PRDM11: variants seen among roughly 807,000 people sequenced by gnomAD.
The protein encoded by PRDM11 is PR/SET domain 11.
Under a neutral mutation model 97.8 loss-of-function variants are expected in PRDM11, and 20 were observed. The observed-to-expected ratio is 0.20, with a 90% CI of 0.14 to 0.30. PRDM11 has a LOEUF of 0.30. PRDM11 is among the 10% of genes least tolerant of loss of function. PRDM11 has a pLI of 1.00. For synonymous variants in PRDM11, 599 were observed against 637.7 expected (o/e 0.94, Z 0.91); for missense variants, 1,139 against 1,555.2 (o/e 0.73, Z 4.50).
chr11:45,143,525 G>A (rs866817667), upstream of PRDM11, among the ~76,000 whole-genome samples: 3 of 152,058 alleles, frequency 2.0e-5, no homozygotes, highest in Non-Finnish European at 4.4e-5. Flanking sequence ...TGTGAGATAC[G>A]CTCAAGGGAG....
intron 1 of PRDM11, among the ~76,000 whole-genome samples, chr11:45,170,533 G>T (rs1200707240): frequency 1.3e-5 from 2 of 152,194 alleles, no homozygotes; most frequent in Admixed American, 1.3e-4. Context: ...GCTCATGTTG[G>T]AGGCAGAGCA....
At chr11:45,176,486 AT>A (rs1852331096) in intron 1 of PRDM11, among the ~76,000 whole-genome samples, 1 of 152,224 alleles carries the variant, frequency 6.6e-6, no homozygotes, top group Admixed American at 6.5e-5. Flanking sequence ...GTCAGGCATT[AT>A]GCTGTGTTAA....
At chr11:45,147,317 A>G (rs1218992890) in intron 1 of PRDM11, 3 of 149,720 alleles carry the variant, frequency 2.0e-5, no homozygotes, top group East Asian at 2.0e-4. Context: ...CGCCGACGCC[A>G]GAGGGCTCGC....
intron 1 of PRDM11, among the ~76,000 whole-genome samples, chr11:45,097,188 G>A (rs1047624856): frequency 6.6e-6 from 1 of 152,180 alleles, no homozygotes; most frequent in Non-Finnish European, 1.5e-5. Flanking sequence ...TGCATCAATA[G>A]CTCACAAGTT....
intron 4 of PRDM11, among the ~76,000 whole-genome samples, chr11:45,204,347 G>A (rs2135795808): frequency 6.6e-6 from 1 of 152,324 alleles, no homozygotes; most frequent in East Asian, 1.9e-4. Flanking sequence ...AGCCTTTGTA[G>A]TTGCAGTGCG....
intron 1 of PRDM11, among the ~76,000 whole-genome samples, chr11:45,106,782 G>A (rs1426010850): frequency 6.6e-6 from 1 of 152,210 alleles, no homozygotes; most frequent in African/African-American, 2.4e-5. Context: ...TCGCAGGAGA[G>A]CAAGGCAGAA....
intron 5 of PRDM11, among the ~76,000 whole-genome samples, chr11:45,206,516 C>G (rs1853516939): frequency 6.6e-6 from 1 of 152,212 alleles, no homozygotes; most frequent in South Asian, 2.1e-4. Context: ...ATCAGGCTTT[C>G]TGTGCTATTG....
At chr11:45,184,829 G>A (rs1288476051) in intron 4 of PRDM11, among the ~76,000 whole-genome samples, 2 of 152,152 alleles carry the variant, frequency 1.3e-5, no homozygotes, top group African/African-American at 4.8e-5. Flanking sequence ...CCTGTGCATG[G>A]GTGGTCAGTG....
chr11:45,134,338 T>C (rs1471512039), intron 1 of PRDM11, among the ~76,000 whole-genome samples: 1 of 151,940 alleles, frequency 6.6e-6, no homozygotes, highest in Non-Finnish European at 1.5e-5. Context: ...TCTCAGGCAG[T>C]TACAAAAAAA....
intron 1 of PRDM11, among the ~76,000 whole-genome samples, chr11:45,128,037 G>A (rs1852622186): frequency 6.6e-6 from 1 of 152,250 alleles, no homozygotes; most frequent in Admixed American, 6.5e-5. Flanking sequence ...ACCTATGCAA[G>A]CCTGGGCAAT....
intron 4 of PRDM11, among the ~76,000 whole-genome samples, chr11:45,183,697 G>C (rs768941560): frequency 1.3e-5 from 2 of 152,298 alleles, no homozygotes; most frequent in Non-Finnish European, 2.9e-5. Flanking sequence ...GGTTTTCAAG[G>C]GTATGAGGAG....
chr11:45,234,880 C>G lies in PRDM11; in HGVS notation c.*6721C>G, dbSNP rs1174771589. 6.6e-6 allele frequency: 1 copy of G among 152,038 alleles called. No homozygotes were observed. The highest frequency in any genetic ancestry group is 1.5e-5 in the Non-Finnish European group (1 of 68,026). 9.4% of individuals were successfully genotyped at this position (152,038 alleles called of 1,614,324 possible). ...AATAAGTGGGGATGGGGGGAAATAC[C>G]TAGGAGTCTATTATCACATACATAT... is the stretch of plus-strand genomic sequence containing the variant. On this transcript the variant is annotated 3_prime_UTR_variant, in exon 8 of 8. Coordinates refer to ENST00000683152, the MANE Select transcript of PRDM11 (RefSeq NM_001384648.1).
At chr11:45,181,947 T>C (rs1852521635) in intron 2 of PRDM11, 62 bp downstream of exon 2, 1 of 1,481,102 alleles carries the variant, frequency 6.8e-7, no homozygotes, top group Non-Finnish European at 9.3e-7. Context: ...CTGGGCTCGG[T>C]TGGTTGGGAA....
intron 4 of PRDM11, among the ~76,000 whole-genome samples, chr11:45,202,965 C>T (rs771558663): frequency 1.3e-5 from 2 of 152,108 alleles, no homozygotes; most frequent in Admixed American, 6.5e-5. Flanking sequence ...AGGGTAAGTT[C>T]GGGGGCAGGC....
chr11:45,159,883 A>C (rs1392202655), intron 1 of PRDM11, among the ~76,000 whole-genome samples: 1 of 152,214 alleles, frequency 6.6e-6, no homozygotes, highest in Non-Finnish European at 1.5e-5. Flanking sequence ...ACAATTGGCC[A>C]GGGCTGGGGG....
intron 1 of PRDM11, among the ~76,000 whole-genome samples, chr11:45,108,974 G>A (rs1852117217): frequency 6.6e-6 from 1 of 152,240 alleles, no homozygotes. Flanking sequence ...CTAAAAATAG[G>A]GCTTTAAATG....
intron 6 of PRDM11, 70 bp from the exon 7 acceptor site, chr11:45,224,143 CTGCT>C: frequency 6.7e-7 from 1 of 1,494,750 alleles, no homozygotes; most frequent in Non-Finnish European, 8.9e-7. Context: ...AACAGGAGGC[CTGCT>C]TTGTTTTCTG....
chr11:45,164,450 A>T (rs917572956), intron 1 of PRDM11, among the ~76,000 whole-genome samples: 5 of 152,224 alleles, frequency 3.3e-5, no homozygotes, highest in Admixed American at 1.3e-4. Flanking sequence ...CTTGGTTTTC[A>T]TGAATCATTT....
In PRDM11 at chr11:45,164,154, T is replaced by A. The variant is rs114688997; in HGVS notation, c.-7+17277T>A. Among the ~76,000 whole-genome samples, 598 of 152,256 alleles carry A rather than the reference T, an allele frequency of 3.9e-3. 4 individuals are homozygous for A. Among genetic ancestry groups the A allele is most frequent in the African/African-American group, 0.013 (559 of 41,550 alleles). On this transcript the variant is annotated intron_variant, in intron 1 of 7. Coordinates refer to ENST00000683152, the MANE Select transcript of PRDM11 (RefSeq NM_001384648.1). ...GAGGTGAGGATAGAACAGGTGGGTA[T>A]GTGTGACTCCCCAGCACCCCGCGGG...
Sources: gnomAD v4.1 joint callset for allele counts (sites outside exome capture counted in the v4.1 genomes callset) on GRCh38, gnomAD v4.1.1 for gene constraint, MANE v1.5 for transcripts, NCBI Gene and HGNC (gene_info 2026-07-23, HGNC 2026-07-21) for gene names.